AKAP10: variants seen among roughly 807,000 people sequenced by gnomAD.
AKAP10 encodes the protein A-kinase anchoring protein 10.
In AKAP10, 24 loss-of-function variants were observed where a neutral mutation model predicts 80.8. The ratio of observed to expected loss-of-function variants is 0.30; its 90% confidence interval spans 0.22 to 0.42. The LOEUF (loss-of-function observed/expected upper bound fraction) is 0.42, where lower values mean the gene tolerates loss of function less well. Ranked by LOEUF, AKAP10 falls within the 10% of genes least tolerant of loss-of-function variation. The probability of loss-of-function intolerance (pLI) is 1.00; values close to 1 mark genes in which losing one functional copy is unlikely to be tolerated. For synonymous variants in AKAP10, 291 were observed against 277.7 expected (o/e 1.05, Z -0.48); for missense variants, 661 against 794.9 (o/e 0.83, Z 2.03).
At chr17:19,957,412 G>A (rs1269646190) in intron 4 of AKAP10, among the ~76,000 whole-genome samples, 2 of 152,106 alleles carry the variant, frequency 1.3e-5, no homozygotes, top group East Asian at 3.9e-4. Flanking sequence ...TGTGGTGGCA[G>A]GCGCCTGTAG....
intron 2 of AKAP10, among the ~76,000 whole-genome samples, chr17:19,966,945 T>C (rs1285147732): frequency 1.3e-5 from 2 of 152,104 alleles, no homozygotes; most frequent in African/African-American, 4.8e-5. Flanking sequence ...TCTAACTGGC[T>C]TTACATAAGA....
chr17:19,936,221 T>C, intron 9 of AKAP10, 65 bp downstream of exon 9: 1 of 1,535,434 alleles, frequency 6.5e-7, no homozygotes, highest in Non-Finnish European at 8.8e-7. Flanking sequence ...TTTTCCCACC[T>C]TATATTTTAT....
At chr17:19,923,688 G>A (rs1487922550) in intron 11 of AKAP10, among the ~76,000 whole-genome samples, 2 of 151,946 alleles carry the variant, frequency 1.3e-5, no homozygotes, top group South Asian at 2.1e-4. Flanking sequence ...CACCATGCCC[G>A]GCTAATTTTT....
intron 1 of AKAP10, among the ~76,000 whole-genome samples, chr17:19,973,776 C>T (rs1197093441): frequency 6.6e-6 from 1 of 152,190 alleles, no homozygotes; most frequent in African/African-American, 2.4e-5. Context: ...TGTTAATTGT[C>T]ACAGATGGTG....
chr17:19,968,602 AG>A, intron 1 of AKAP10, 141 bp from the exon 2 acceptor site: 1 of 645,734 alleles, frequency 1.5e-6, no homozygotes, highest in Non-Finnish European at 2.6e-6. Context: ...AGGGCACAGG[AG>A]GGTAGTTGTC....
chr17:19,929,914 T>C (rs147106069), intron 10 of AKAP10, among the ~76,000 whole-genome samples: 103 of 148,564 alleles, frequency 6.9e-4, no homozygotes, highest in Admixed American at 2.6e-3. Context: ...GAGGTGGAGG[T>C]TGCAGTGAGC....
chr17:19,975,845 A>T (rs2043558573), intron 1 of AKAP10, among the ~76,000 whole-genome samples: 1 of 152,142 alleles, frequency 6.6e-6, no homozygotes, highest in African/African-American at 2.4e-5. Flanking sequence ...CATTATTCTT[A>T]GAATGTTTTC....
At chr17:19,975,404 T>C (rs1380897798) in intron 1 of AKAP10, among the ~76,000 whole-genome samples, 2 of 152,178 alleles carry the variant, frequency 1.3e-5, no homozygotes, top group Non-Finnish European at 2.9e-5. Context: ...CCAGTCACAG[T>C]AGCCTTCTTT....
At chr17:19,958,946 G>A (rs927939088) in intron 3 of AKAP10, among the ~76,000 whole-genome samples, 8 of 141,606 alleles carry the variant, frequency 5.6e-5, no homozygotes, top group East Asian at 4.5e-4. Context: ...TCCACCTCCC[G>A]GGTTCAAGCG....
At chr17:19,910,385 G>A (rs2042677481) in intron 12 of AKAP10, among the ~76,000 whole-genome samples, 1 of 149,278 alleles carries the variant, frequency 6.7e-6, no homozygotes, top group African/African-American at 2.5e-5. Flanking sequence ...TTTAAAAGCT[G>A]TTGCTTCCAG....
intron 12 of AKAP10, among the ~76,000 whole-genome samples, chr17:19,913,287 G>T (rs887870596): frequency 6.6e-6 from 1 of 151,780 alleles, no homozygotes. Flanking sequence ...CCGATAGCTG[G>T]GACTACAAGC....
intron 12 of AKAP10, among the ~76,000 whole-genome samples, 185 bp from the exon 13 acceptor site, chr17:19,910,163 C>T (rs954176588): frequency 3.3e-5 from 5 of 151,844 alleles, no homozygotes; most frequent in African/African-American, 9.7e-5. Flanking sequence ...CCTGTCTCTA[C>T]TAAAATAATA....
chr17:19,958,697 A>G, intron 3 of AKAP10, 126 bp from the exon 4 acceptor site: 1 of 739,724 alleles, frequency 1.4e-6, no homozygotes, highest in South Asian at 2.3e-5. Context: ...CCTAGCAACT[A>G]AAGTAAATAA....
intron 4 of AKAP10, among the ~76,000 whole-genome samples, chr17:19,953,948 C>G (rs2043243419): frequency 2.0e-5 from 3 of 152,094 alleles, no homozygotes. Flanking sequence ...AGGAGGATAA[C>G]TTGAACCTGG....
At position 19,958,271 on chromosome 17, in the gene AKAP10, A is replaced by C; in HGVS notation, c.620T>G (p.Leu207Trp). The C allele has an allele frequency of 6.2e-7, 1 of 1,614,200 alleles. No individual in the cohort carries two copies. The highest frequency in any genetic ancestry group is 8.5e-7 in the Non-Finnish European group (1 of 1,180,032). Residue 207 changes from leucine (L) to tryptophan (W), a missense_variant, in exon 4 of 15, where the codon TTG becomes TGG. By Grantham distance (61) the Leu-to-Trp change is moderately conservative. Transcript: ENST00000225737. The part of the protein sequence containing the change: ...SFLTDSLDKR[L>W]EDSGSAQLFM... ...CAACTGTGCTGAGCCAGAATCCTCC[A>C]ATCTCTTATCAAGAGAATCAGTTAA...
chr17:19,977,542 C>A (rs1402601888), intron 1 of AKAP10, 50 bp downstream of exon 1: 17 of 1,217,316 alleles, frequency 1.4e-5, no homozygotes, highest in South Asian at 4.2e-5. Flanking sequence ...CCTGCCCCAC[C>A]GCCGCCCCTG....
intron 5 of AKAP10, among the ~76,000 whole-genome samples, chr17:19,945,609 A>T (rs746037928): frequency 6.6e-6 from 1 of 152,116 alleles, no homozygotes; most frequent in Non-Finnish European, 1.5e-5. Flanking sequence ...TCTGTGTGGG[A>T]GAAAGAAAAG....
chr17:19,942,213 G>GA (rs1242930827), intron 5 of AKAP10, among the ~76,000 whole-genome samples: 9 of 152,092 alleles, frequency 5.9e-5, no homozygotes, highest in Non-Finnish European at 1.2e-4. Flanking sequence ...ACAGTTAAAA[G>GA]GTTACTATCA....
intron 10 of AKAP10, 80 bp downstream of exon 10, chr17:19,931,725 A>G: frequency 6.9e-7 from 1 of 1,450,418 alleles, no homozygotes; most frequent in Admixed American, 2.3e-5. Context: ...AAATTTACAA[A>G]TAATAGGATC....
Sources: allele counts gnomAD v4.1 joint callset (sites outside exome capture counted in the v4.1 genomes callset), GRCh38; gene constraint gnomAD v4.1.1; transcripts MANE v1.5; gene names NCBI Gene and HGNC (gene_info 2026-07-23, HGNC 2026-07-21).